SWSAP1: variants seen among roughly 807,000 people sequenced by gnomAD.
The protein encoded by SWSAP1 is ATPase SWSAP1.
SWSAP1 carries 4 observed loss-of-function variants against 5.6 expected under a neutral mutation model. The observed-to-expected ratio is 0.72, with a 90% confidence interval of 0.35 to 1.64. The LOEUF is 1.64. SWSAP1 is among the 40% of genes most tolerant of loss of function. SWSAP1 has a pLI of 0.05. For missense variants in SWSAP1, 354 were observed against 319.8 expected, an observed-to-expected ratio of 1.11 and a Z score of -0.82; for synonymous variants, 139 against 143.3, an observed-to-expected ratio of 0.97 and a Z score of 0.22.
chr19:11,375,272 G>T (rs1442683602), intron 1 of SWSAP1, among the ~76,000 whole-genome samples: 1 of 152,034 alleles, frequency 6.6e-6, no homozygotes, highest in African/African-American at 2.4e-5. Flanking sequence ...GCTGGGGGAG[G>T]GTTTTCCGTG....
Position 11,375,505 on chromosome 19 carries a change from C to T in SWSAP1, c.250-8C>T, listed in dbSNP as rs774605888. The T allele has an allele frequency of 2.5e-6, 4 of 1,598,290 alleles. No individual in the cohort carries two copies. Among genetic ancestry groups the T allele is most frequent in the South Asian group, 1.1e-5 (1 of 89,832 alleles). ...AATCCGGCCCTTTCCTTCTGTTTCT[C>T]CTTCTAGAAGATCCGCTTCCAGTAC... On this transcript the variant is annotated splice_region_variant and splice_polypyrimidine_tract_variant and intron_variant, in intron 1 of 1. Transcript: ENST00000674460.
intron 1 of SWSAP1, 138 bp downstream of exon 1, chr19:11,375,067 A>G (rs926574670): frequency 9.3e-7 from 1 of 1,070,646 alleles, no homozygotes; most frequent in South Asian, 1.4e-5. Flanking sequence ...GGAGTCAGGC[A>G]GGCGGAGTGA....
In SWSAP1 at chr19:11,375,695, C is replaced by A. The variant is rs917280157; in HGVS notation, c.432C>A (p.Ala144=). 1 of 1,614,108 alleles carries A rather than the reference C, an allele frequency of 6.2e-7. No homozygotes were observed. The highest frequency in any genetic ancestry group is 1.3e-5 in the African/African-American group (1 of 74,944). ...TTGCCTTACTTCTAGACACAGCTGC[C>A]CACTTCAGCCACCGGCTTGGGCCTG... ...YLIALLLDTA[A]HFSHRLGPGR... The change falls in exon 2 of 2, where the codon GCC becomes GCA. Residue 144 remains alanine (A), a synonymous_variant. Transcript: ENST00000674460.
In SWSAP1 at chr19:11,374,711, AG is replaced by A; in HGVS notation, c.35del (p.Gly12AlafsTer37). Reference sequence around the variant, plus strand: ...GGAGACGCTGAGGCGGGTGCTAACCAGGGGCGGTGCGGCCTGGTCCGGGGAG... The same window carrying A: ...GGAGACGCTGAGGCGGGTGCTAACCAGGGCGGTGCGGCCTGGTCCGGGGAG... MAETLRRVLT[R>X]GGAAWSGEEN... is the part of the protein sequence containing the mutation. On this transcript the variant is annotated frameshift_variant, in exon 1 of 2. Coordinates refer to ENST00000674460, the MANE Select transcript of SWSAP1 (RefSeq NM_175871.4). LOFTEE classifies it high-confidence loss of function. 6.3e-7 allele frequency: 1 copy of A among 1,581,338 alleles called. No individual in the cohort carries two copies. The highest frequency in any genetic ancestry group is 8.6e-7 in the Non-Finnish European group (1 of 1,164,260).
intron 1 of SWSAP1, 125 bp downstream of exon 1, chr19:11,375,054 G>GC (rs1968260727): frequency 8.2e-7 from 1 of 1,225,756 alleles, no homozygotes; most frequent in South Asian, 1.3e-5. Context: ...GCCACGATGG[G>GC]GCGGAGTCAG....
Position 11,374,722 on chromosome 19 carries a change from G to A in SWSAP1, c.42G>A (p.Ala14=). The A allele has an allele frequency of 6.3e-7, 1 of 1,595,678 alleles. No individual in the cohort carries two copies. The highest frequency in any genetic ancestry group is 1.1e-5 in the South Asian group (1 of 90,280). Residue 14 remains alanine (A), a synonymous_variant, in exon 1 of 2, where the codon GCG becomes GCA. Coordinates refer to ENST00000674460, the MANE Select transcript of SWSAP1 (RefSeq NM_175871.4). The part of the protein sequence containing the change: ...TLRRVLTRGG[A]AWSGEENMPA... ...GGCGGGTGCTAACCAGGGGCGGTGC[G>A]GCCTGGTCCGGGGAGGAGAACATGC...
chr19:11,375,982 C>G lies in SWSAP1; in HGVS notation c.719C>G (p.Ser240Ter), dbSNP rs759071976. The change falls in exon 2 of 2, where the codon TCA (serine) becomes TGA (stop). Residue 240 changes from serine to a stop codon, truncating the protein, a stop_gained. Coordinates refer to ENST00000674460, the MANE Select transcript of SWSAP1 (RefSeq NM_175871.4). LOFTEE classifies it high-confidence loss of function. Reference sequence around the variant, plus strand: ...CCCACCCAGGCTGGTGACCCCAGCTCAGGCAAGGGTTCAAGCTCTGGAGGC... The same window carrying G: ...CCCACCCAGGCTGGTGACCCCAGCTGAGGCAAGGGTTCAAGCTCTGGAGGC... ...PWPTQAGDPS[S>*]GKGSSSGGQP The G allele has an allele frequency of 7.0e-5, 113 of 1,610,802 alleles. No homozygotes were observed. The highest frequency in any genetic ancestry group is 8.7e-5 in the Non-Finnish European group (103 of 1,178,824).
At position 11,374,699 on chromosome 19, in the gene SWSAP1, C is replaced by G; in HGVS notation, c.19C>G (p.Arg7Gly). 1 of 1,554,862 alleles carries G rather than the reference C, an allele frequency of 6.4e-7. No individual in the cohort carries two copies. Reference protein sequence around the residue: MAETLRRVLTRGGAAWS... With the variant: MAETLRGVLTRGGAAWS... ...GCGGCGAATGGCGGAGACGCTGAGG[C>G]GGGTGCTAACCAGGGGCGGTGCGGC... Residue 7 changes from arginine (R) to glycine (G), a missense_variant, in exon 1 of 2, where the codon CGG (arginine) becomes GGG (glycine). Physicochemically the swap from Arg to Gly is moderately radical, Grantham distance 125. Coordinates refer to ENST00000674460, the MANE Select transcript of SWSAP1 (RefSeq NM_175871.4).
In SWSAP1 at chr19:11,374,729, T is replaced by G. The variant is rs749428579; in HGVS notation, c.49T>G (p.Ser17Ala). 5.6e-6 allele frequency: 9 copies of G among 1,603,324 alleles called. No homozygotes were observed. The highest frequency in any genetic ancestry group is 7.7e-6 in the Non-Finnish European group (9 of 1,175,968). The stretch of plus-strand genomic sequence containing the variant: ...GCTAACCAGGGGCGGTGCGGCCTGG[T>G]CCGGGGAGGAGAACATGCCTGCCGC... The part of the protein sequence containing the change: ...RVLTRGGAAW[S>A]GEENMPAAGP... The change falls in exon 1 of 2, where the codon TCC becomes GCC. Residue 17 changes from serine to alanine, a missense_variant. Physicochemically the swap from Ser to Ala is moderately conservative, Grantham distance 99. Coordinates refer to ENST00000674460, the MANE Select transcript of SWSAP1 (RefSeq NM_175871.4).
intron 1 of SWSAP1, among the ~76,000 whole-genome samples, chr19:11,375,264 TG>T (rs1339962665): frequency 6.6e-6 from 1 of 151,924 alleles, no homozygotes; most frequent in African/African-American, 2.4e-5. Flanking sequence ...CCGAGAATGC[TG>T]GGGGAGGGTT....
chr19:11,375,904 C>G lies in SWSAP1; in HGVS notation c.641C>G (p.Thr214Arg), dbSNP rs373587484. The G allele has an allele frequency of 1.6e-5, 26 of 1,613,936 alleles. 1 individual carries two copies. The African/African-American group carries it at 3.3e-4, about 21-fold the overall frequency. The change falls in exon 2 of 2, where the codon ACA becomes AGA. Residue 214 changes from threonine (T) to arginine (R), a missense_variant. Thr to Arg is a moderately conservative substitution (Grantham distance 71). Coordinates refer to ENST00000674460, the MANE Select transcript of SWSAP1 (RefSeq NM_175871.4). ...CLEPGGLGPR[T>R]EWWVTFRSDG... The stretch of plus-strand genomic sequence containing the variant: ...GAGCCAGGCGGGCTGGGCCCCAGAA[C>G]AGAGTGGTGGGTGACTTTCCGATCA...
chr19:11,375,068 G>A (rs1259140305), intron 1 of SWSAP1, 139 bp downstream of exon 1: 3 of 1,073,992 alleles, frequency 2.8e-6, no homozygotes. Context: ...GAGTCAGGCA[G>A]GCGGAGTGAG....
Position 11,375,870 on chromosome 19 carries a change from G to A in SWSAP1, c.607G>A (p.Ala203Thr). ...AGGTCCAGGAGAGCACGGCCTCCGA[G>A]CCTGCCTGGAGCCAGGCGGGCTGGG... ...APGPGEHGLR[A>T]CLEPGGLGPR... The change falls in exon 2 of 2, where the codon GCC (alanine) becomes ACC (threonine). Residue 203 changes from alanine (A) to threonine (T), a missense_variant. Coordinates refer to ENST00000674460, the MANE Select transcript of SWSAP1 (RefSeq NM_175871.4). 1 of 1,614,158 alleles carries A rather than the reference G, an allele frequency of 6.2e-7. No individual in the cohort carries two copies. The highest frequency in any genetic ancestry group is 1.1e-5 in the South Asian group (1 of 91,090).
At chr19:11,375,070 C>A in intron 1 of SWSAP1, 141 bp downstream of exon 1, 2 of 1,070,892 alleles carry the variant, frequency 1.9e-6, no homozygotes, top group Non-Finnish European at 2.7e-6. Context: ...GTCAGGCAGG[C>A]GGAGTGAGGA....
At position 11,375,049 on chromosome 19, in the gene SWSAP1, G is replaced by C. The variant is rs982055592; in HGVS notation, c.249+120G>C. On this transcript the variant is annotated intron_variant, in intron 1 of 1. Coordinates refer to ENST00000674460, the MANE Select transcript of SWSAP1 (RefSeq NM_175871.4). ...TGGAAGAGCGAGCCAGGGCAGCCAC[G>C]ATGGGGCGGAGTCAGGCAGGCGGAG... 1.6e-5 allele frequency: 21 copies of C among 1,314,104 alleles called. No homozygotes were observed. In the African/African-American group the frequency reaches 2.5e-4, roughly 16 times the overall value. 81.4% of individuals were successfully genotyped at this position (1,314,104 alleles called of 1,614,324 possible).
At position 11,375,545 on chromosome 19, in the gene SWSAP1, A is replaced by G; in HGVS notation, c.282A>G (p.Arg94=). 6.2e-7 allele frequency: 1 copy of G among 1,613,438 alleles called. No homozygotes were observed. Among genetic ancestry groups the G allele is most frequent in the Non-Finnish European group, 8.5e-7 (1 of 1,179,672 alleles). Residue 94 remains arginine, a synonymous_variant, in exon 2 of 2, where the codon CGA becomes CGG. Coordinates refer to ENST00000674460, the MANE Select transcript of SWSAP1 (RefSeq NM_175871.4). ...GCTTCCAGTACCCACCCTCAACCCG[A>G]GAGCTTTTCCGGCTCCTGTGCTCTG... ...KIRFQYPPST[R]ELFRLLCSAH...
chr19:11,375,664 A>T lies in SWSAP1; in HGVS notation c.401A>T (p.Tyr134Phe). Residue 134 changes from tyrosine to phenylalanine, a missense_variant, in exon 2 of 2, where the codon TAC (tyrosine) becomes TTC (phenylalanine). Tyr to Phe is a conservative substitution (Grantham distance 22, BLOSUM62 3). Transcript: ENST00000674460. The stretch of plus-strand genomic sequence containing the variant: ...GACCCAGAGCCCCAGGAAGCCGCCT[A>T]CCTCATTGCCTTACTTCTAGACACA... ...AEDPEPQEAA[Y>F]LIALLLDTAA... 9.9e-6 allele frequency: 16 copies of T among 1,614,052 alleles called. No homozygotes were observed. Among genetic ancestry groups the T allele is most frequent in the Non-Finnish European group, 1.4e-5 (16 of 1,180,020 alleles).
chr19:11,375,605 G>A lies in SWSAP1; in HGVS notation c.342G>A (p.Leu114=), dbSNP rs759403146. 1.9e-6 allele frequency: 3 copies of A among 1,614,086 alleles called. No individual in the cohort carries two copies. ...HEAPGPAPSL[L]LLDGLEEYLA... is the part of the protein sequence containing the mutation. The stretch of plus-strand genomic sequence containing the variant: ...CCCCGGGGCCAGCCCCCTCCCTTCT[G>A]CTGCTCGACGGCCTAGAAGAGTACC... The change falls in exon 2 of 2, where the codon CTG becomes CTA. Residue 114 remains leucine (L), a synonymous_variant. Coordinates refer to ENST00000674460, the MANE Select transcript of SWSAP1 (RefSeq NM_175871.4).
chr19:11,375,468 C>T, intron 1 of SWSAP1, 45 bp from the exon 2 acceptor site: 1 of 1,557,136 alleles, frequency 6.4e-7, no homozygotes, highest in Non-Finnish European at 8.7e-7. Flanking sequence ...AGGAGTCTGG[C>T]TTCCTGTGCT....
Sources: gnomAD v4.1 joint callset for allele counts (sites outside exome capture counted in the v4.1 genomes callset) on GRCh38, gnomAD v4.1.1 for gene constraint, MANE v1.5 for transcripts, NCBI Gene and HGNC (gene_info 2026-07-23, HGNC 2026-07-21) for gene names.